Variants in ACBD5 observed in about 807,000 individuals in gnomAD.
ACBD5 encodes acyl-CoA-binding domain-containing protein 5.
A neutral mutation model predicts 71.8 loss-of-function variants in ACBD5; 40 were observed. The ratio of observed to expected loss-of-function variants is 0.56; its 90% CI spans 0.43 to 0.72. The LOEUF (loss-of-function observed/expected upper bound fraction) is 0.72, where lower values mean the gene tolerates loss of function less well. ACBD5 is among the 30% of genes least tolerant of loss of function. The pLI is 0.00. For missense variants in ACBD5, 559 were observed against 644.5 expected (o/e 0.87, Z 1.44); for synonymous variants, 229 against 218.6 (o/e 1.05, Z -0.42).
At chr10:27,235,038 G>C (rs534226) in intron 3 of ACBD5, 54 bp downstream of exon 3, 2 of 1,553,388 alleles carry the variant, frequency 1.3e-6, no homozygotes, top group South Asian at 2.2e-5. Context: ...ATAGCCATAT[G>C]ATAATTATGT....
At chr10:27,199,794 C>T (rs1283403108) in intron 12 of ACBD5, among the ~76,000 whole-genome samples, 2 of 152,036 alleles carry the variant, frequency 1.3e-5, no homozygotes, top group African/African-American at 2.4e-5. Flanking sequence ...CTTAAGAAAA[C>T]TGGTTAGACG....
chr10:27,217,915 C>T, intron 7 of ACBD5, 65 bp downstream of exon 7: 3 of 1,381,226 alleles, frequency 2.2e-6, no homozygotes, highest in Non-Finnish European at 3.1e-6. Flanking sequence ...TCCTAAAGAT[C>T]CTATAATTAC....
chr10:27,216,384 G>T (rs111356577), intron 7 of ACBD5, among the ~76,000 whole-genome samples: 1 of 151,870 alleles, frequency 6.6e-6, no homozygotes, highest in Non-Finnish European at 1.5e-5. Context: ...CAGGTGATCC[G>T]CCTGCCTTAG....
chr10:27,206,477 T>A (rs7074295), intron 10 of ACBD5, among the ~76,000 whole-genome samples: 106,655 of 151,768 alleles, frequency 0.7, 37,545 homozygotes, highest in Admixed American at 0.72. Context: ...ATTAGCCAGA[T>A]GTGGTGGTGT....
chr10:27,219,737 T>C lies in ACBD5; in HGVS notation c.611A>G (p.Glu204Gly). Reference sequence around the variant, plus strand: ...CCAAACATTACCATTATCACTTTGTTCTGCTCCTTTCACTTCTTCTTGGGC... The same window carrying C: ...CCAAACATTACCATTATCACTTTGTCCTGCTCCTTTCACTTCTTCTTGGGC... Reference protein sequence around the residue: ...EEAQEEVKGAEQSDNDKKMMK... With the variant: ...EEAQEEVKGAGQSDNDKKMMK... Residue 204 changes from glutamate to glycine, a missense_variant, in exon 6 of 13, where the codon GAA becomes GGA. Transcript: ENST00000396271. 1 of 1,614,060 alleles carries C rather than the reference T, an allele frequency of 6.2e-7. No individual in the cohort carries two copies. The highest frequency in any genetic ancestry group is 1.3e-5 in the African/African-American group (1 of 75,052).
At chr10:27,186,671 A>G in intron 13 of ACBD5, 3 of 814,982 alleles carry the variant, frequency 3.7e-6, no homozygotes, top group South Asian at 2.9e-5. Context: ...AATGTACGTT[A>G]CAGCTTTCAC....
At position 27,221,125 on chromosome 10, in the gene ACBD5, C is replaced by T. The variant is rs923757954; in HGVS notation, c.491-1268G>A. Among the ~76,000 whole-genome samples the T allele has an allele frequency of 5.8e-5, 5 of 86,452 alleles. No individual in the cohort carries two copies. In the East Asian group the frequency reaches 8.0e-4, roughly 14 times the overall value. The allele number at this position is 86,452 out of a possible 152,430, so 56.7% of individuals were successfully genotyped here. ...AAAATTATGGTGCAGGTCCACAATCCCTTACTTACAACCCTTGGATCCAGA... is the reference window on the plus strand; with the variant it reads ...AAAATTATGGTGCAGGTCCACAATCTCTTACTTACAACCCTTGGATCCAGA... On this transcript the variant is annotated intron_variant, in intron 5 of 12. Coordinates refer to ENST00000396271, the MANE Select transcript of ACBD5 (RefSeq NM_145698.5).
intron 4 of ACBD5, among the ~76,000 whole-genome samples, chr10:27,227,398 T>G (rs78073269): frequency 0.032 from 4,828 of 152,128 alleles, 191 homozygotes; most frequent in East Asian, 0.11. Flanking sequence ...AATTACCACA[T>G]CTCTTAAAGC....
At chr10:27,229,597 T>C (rs1474217156) in intron 4 of ACBD5, among the ~76,000 whole-genome samples, 3 of 152,064 alleles carry the variant, frequency 2.0e-5, no homozygotes, top group Admixed American at 6.6e-5. Context: ...ATTTAACAAG[T>C]GCTTCAATTA....
At chr10:27,239,835 C>T (rs1323373727) in intron 2 of ACBD5, among the ~76,000 whole-genome samples, 3 of 152,176 alleles carry the variant, frequency 2.0e-5, no homozygotes, top group African/African-American at 7.2e-5. Flanking sequence ...CAACCTCTGC[C>T]TCCCGGGTTC....
At chr10:27,228,817 T>TATATATATATATATATATATC in intron 4 of ACBD5, among the ~76,000 whole-genome samples, 1 of 15,892 alleles carries the variant, frequency 6.3e-5, no homozygotes, top group Admixed American at 9.6e-4. Flanking sequence ...ATATATATAT[T>TATATATATATATATATATATC]TTTTTTTTTT....
At chr10:27,232,422 G>C (rs1332821536) in intron 3 of ACBD5, 1 of 151,114 alleles carries the variant, frequency 6.6e-6, no homozygotes, top group Non-Finnish European at 1.5e-5. Context: ...TCCACTTCCT[G>C]GGTTCAAGAG....
At chr10:27,239,483 A>T (rs1392994993) in intron 2 of ACBD5, among the ~76,000 whole-genome samples, 1 of 152,210 alleles carries the variant, frequency 6.6e-6, no homozygotes, top group Non-Finnish European at 1.5e-5. Flanking sequence ...CATTAAATAC[A>T]AGAAGGAGAT....
intron 3 of ACBD5, chr10:27,232,340 T>G (rs2138183457): frequency 6.6e-6 from 1 of 152,106 alleles, no homozygotes; most frequent in South Asian, 2.1e-4. Context: ...TTTTTTTTTT[T>G]TTTTCTGAGA....
intron 8 of ACBD5, 101 bp from the exon 9 acceptor site, chr10:27,211,182 C>A (rs2061039600): frequency 1.7e-6 from 2 of 1,211,342 alleles, no homozygotes; most frequent in Admixed American, 2.0e-5. Context: ...CTAAAATGTT[C>A]TTTCATGTTA....
chr10:27,204,738 AC>A (rs1351949118), intron 11 of ACBD5, among the ~76,000 whole-genome samples, 189 bp from the exon 12 acceptor site: 1 of 152,244 alleles, frequency 6.6e-6, no homozygotes. Context: ...AGTAGTTCAG[AC>A]TTAAATAAAC....
At chr10:27,214,145 C>G (rs578214927) in intron 8 of ACBD5, among the ~76,000 whole-genome samples, 27 of 152,086 alleles carry the variant, frequency 1.8e-4, no homozygotes, top group African/African-American at 6.0e-4. Context: ...GATAGAGATA[C>G]AATGAATAAG....
In ACBD5 at chr10:27,210,853, C is replaced by T. The variant is rs759217853; in HGVS notation, c.1165G>A (p.Gly389Arg). ...SGAPHREKRG[G>R]ETDEFSNVRR... The stretch of plus-strand genomic sequence containing the variant: ...ACATTAGAGAATTCGTCAGTTTCTC[C>T]GCCTCGCTTCTCCCGGTGTGGTGCT... The change falls in exon 9 of 13, where the codon GGA becomes AGA. Residue 389 changes from glycine to arginine, a missense_variant. Gly to Arg is a moderately radical substitution (Grantham distance 125). Coordinates refer to ENST00000396271, the MANE Select transcript of ACBD5 (RefSeq NM_145698.5). 4.1e-5 allele frequency: 66 copies of T among 1,614,066 alleles called. No individual in the cohort carries two copies. Among genetic ancestry groups the T allele is most frequent in the Non-Finnish European group, 4.8e-5 (57 of 1,180,042 alleles).
At chr10:27,234,456 GTTTA>G (rs1275965596) in intron 3 of ACBD5, among the ~76,000 whole-genome samples, 1 of 87,648 alleles carries the variant, frequency 1.1e-5, no homozygotes, top group African/African-American at 3.3e-5. Context: ...TTAAAAGTTT[GTTTA>G]TTTAACTTAG....
Sources: gnomAD v4.1 joint callset for allele counts (sites outside exome capture counted in the v4.1 genomes callset) on GRCh38, gnomAD v4.1.1 for gene constraint, MANE v1.5 for transcripts, NCBI Gene and HGNC (gene_info 2026-07-23, HGNC 2026-07-21) for gene names.